ZPBP: variants seen among roughly 807,000 people sequenced by gnomAD.
The protein encoded by ZPBP is zona pellucida-binding protein 1.
ZPBP carries 26 observed loss-of-function variants against 44.8 expected under a neutral mutation model. The ratio of observed to expected loss-of-function variants is 0.58; its 90% CI spans 0.43 to 0.81. The LOEUF (loss-of-function observed/expected upper bound fraction) is 0.81, where lower values mean the gene tolerates loss of function less well. Among genes scored for constraint, ZPBP ranks in the 30% least tolerant of loss-of-function variants. The probability of loss-of-function intolerance (pLI) is 0.00; values close to 1 mark genes in which losing one functional copy is unlikely to be tolerated. For missense variants in ZPBP, 409 were observed against 434.0 expected (o/e 0.94, Z 0.51); for synonymous variants, 174 against 153.2 (o/e 1.14, Z -1.00).
chr7:49,898,410 G>A (rs1295510185), intron 2 of ZPBP, among the ~76,000 whole-genome samples: 2 of 150,398 alleles, frequency 1.3e-5, no homozygotes, highest in East Asian at 1.9e-4. Context: ...TTTCTTTCTC[G>A]CTAAAGAACT....
chr7:49,948,415 T>C (rs1023699317), intron 7 of ZPBP, among the ~76,000 whole-genome samples: 3 of 152,124 alleles, frequency 2.0e-5, no homozygotes, highest in African/African-American at 4.8e-5. Context: ...TCAAAGGACA[T>C]TATCAAATAT....
intron 7 of ZPBP, among the ~76,000 whole-genome samples, chr7:49,959,339 G>T (rs1445912158): frequency 6.7e-6 from 1 of 149,764 alleles, no homozygotes; most frequent in African/African-American, 2.4e-5. Context: ...TATTAAAAAG[G>T]ATCTACAAAA....
chr7:49,957,354 C>T (rs1795649718), intron 7 of ZPBP, among the ~76,000 whole-genome samples: 1 of 152,156 alleles, frequency 6.6e-6, no homozygotes, highest in African/African-American at 2.4e-5. Flanking sequence ...AGTGTCACTC[C>T]TCGCATCACA....
chr7:50,069,293 G>A (rs1399691991), intron 3 of ZPBP, among the ~76,000 whole-genome samples: 1 of 150,936 alleles, frequency 6.6e-6, no homozygotes, highest in Non-Finnish European at 1.5e-5. Flanking sequence ...CTTTTTTTTT[G>A]TCTCAGCTTC....
At chr7:50,028,651 T>C (rs1799446478) in intron 5 of ZPBP, among the ~76,000 whole-genome samples, 1 of 148,682 alleles carries the variant, frequency 6.7e-6, no homozygotes, top group African/African-American at 2.5e-5. Context: ...AGGTGCACAA[T>C]CCATTTTAAA....
chr7:50,069,395 A>G (rs753760666), intron 3 of ZPBP, among the ~76,000 whole-genome samples: 13 of 152,148 alleles, frequency 8.5e-5, no homozygotes, highest in Non-Finnish European at 1.8e-4. Flanking sequence ...CAGCACAGCT[A>G]GTTTCTCTTG....
chr7:49,908,078 GACAAAA>G, intron 1 of ZPBP, among the ~76,000 whole-genome samples: 1 of 152,186 alleles, frequency 6.6e-6, no homozygotes, highest in Admixed American at 6.5e-5. Context: ...TATATTTTGG[GACAAAA>G]TACATCTATT....
chr7:50,078,910 C>A (rs1802233641), intron 3 of ZPBP, among the ~76,000 whole-genome samples: 1 of 59,496 alleles, frequency 1.7e-5, no homozygotes. Context: ...CATGAATAGA[C>A]ACTTCTCAAA....
intron 7 of ZPBP, among the ~76,000 whole-genome samples, chr7:49,981,651 T>TAATTATATATTATATAA (rs1562820427): frequency 2.1e-5 from 1 of 46,654 alleles, no homozygotes; most frequent in African/African-American, 1.2e-4. Context: ...ATATAATATC[T>TAATTATATATTATATAA]TGATATAAAA....
At chr7:50,069,059 A>G (rs1445504499) in intron 3 of ZPBP, among the ~76,000 whole-genome samples, 3 of 152,198 alleles carry the variant, frequency 2.0e-5, no homozygotes, top group Non-Finnish European at 4.4e-5. Context: ...TAACTTGGGC[A>G]CGGCCAGATC....
chr7:49,956,267 T>C (rs1583910894), intron 7 of ZPBP, among the ~76,000 whole-genome samples: 1 of 152,156 alleles, frequency 6.6e-6, no homozygotes, highest in African/African-American at 2.4e-5. Flanking sequence ...TTAATAATAA[T>C]GAATATATAA....
intron 3 of ZPBP, among the ~76,000 whole-genome samples, chr7:50,079,845 CAA>C (rs1802276819): frequency 6.6e-6 from 1 of 151,410 alleles, no homozygotes; most frequent in Non-Finnish European, 1.5e-5. Flanking sequence ...GTCCCCACAC[CAA>C]AAAGAGTTAA....
At chr7:49,964,157 G>T (rs569542355) in intron 7 of ZPBP, among the ~76,000 whole-genome samples, 1 of 151,452 alleles carries the variant, frequency 6.6e-6, no homozygotes, top group Non-Finnish European at 1.5e-5. Context: ...TCTGATAAAG[G>T]GTATCTTAAA....
chr7:49,863,702 A>G (rs1444661050), intron 2 of ZPBP, among the ~76,000 whole-genome samples: 1 of 152,152 alleles, frequency 6.6e-6, no homozygotes. Context: ...AAGTGCTGGG[A>G]TTAGAGACGT....
rs1911754 is a variant in ZPBP, at chr7:50,079,906, C to A, written c.334+1868G>T. Among the ~76,000 whole-genome samples, 3 of 151,424 alleles carry A rather than the reference C, an allele frequency of 2.0e-5. 1 individual carries two copies. The South Asian group carries it at 6.2e-4, about 31-fold the overall frequency. On this transcript the variant is annotated intron_variant, in intron 3 of 7. Transcript: ENST00000046087. ...AGAGTGGGAGGTACAGAACTTGTTG[C>A]AATAAATGCAATTACCTTTGTAAAT...
intron 7 of ZPBP, among the ~76,000 whole-genome samples, chr7:49,970,528 G>A (rs1033798998): frequency 3.2e-5 from 3 of 94,280 alleles, no homozygotes; most frequent in South Asian, 3.5e-4. Context: ...AAGGGCACAT[G>A]AAACAATCTT....
At chr7:50,069,821 CT>C (rs1422979757) in intron 3 of ZPBP, among the ~76,000 whole-genome samples, 7 of 152,080 alleles carry the variant, frequency 4.6e-5, no homozygotes, top group African/African-American at 2.4e-5. Flanking sequence ...GTGCCTTCCC[CT>C]GTCATAGCCT....
chr7:49,979,563 G>C (rs181941281), intron 7 of ZPBP, among the ~76,000 whole-genome samples: 1 of 151,404 alleles, frequency 6.6e-6, no homozygotes, highest in Non-Finnish European at 1.5e-5. Flanking sequence ...GTTACCCAAA[G>C]TTTTTAAATA....
intron 2 of ZPBP, 30 bp downstream of exon 2, chr7:50,089,599 A>C: frequency 1.3e-6 from 2 of 1,503,872 alleles, no homozygotes; most frequent in Non-Finnish European, 1.8e-6. Context: ...AATAACTTTT[A>C]AAAATTAGTG....
Sources: gnomAD v4.1 joint callset for allele counts (sites outside exome capture counted in the v4.1 genomes callset) on GRCh38, gnomAD v4.1.1 for gene constraint, MANE v1.5 for transcripts, NCBI Gene and HGNC (gene_info 2026-07-23, HGNC 2026-07-21) for gene names.